GNG5: variants seen among roughly 807,000 people sequenced by gnomAD.
GNG5 encodes the protein guanine nucleotide-binding protein G(I)/G(S)/G(O) subunit gamma-5.
GNG5 carries 2 observed loss-of-function variants against 6.2 expected under a neutral mutation model. The ratio of observed to expected loss-of-function variants is 0.32; its 90% CI spans 0.13 to 1.01. The LOEUF is 1.01. Among genes scored for constraint, GNG5 ranks in the 50% least tolerant of loss-of-function variants. GNG5 has a pLI of 0.48. For synonymous variants in GNG5, 24 were observed against 33.0 expected (o/e 0.73, Z 0.93); for missense variants, 57 against 80.2 (o/e 0.71, Z 1.10).
intron 3 of GNG5, among the ~76,000 whole-genome samples, chr1:84,499,311 C>T (rs1166398852): frequency 6.6e-6 from 1 of 152,114 alleles, no homozygotes; most frequent in Non-Finnish European, 1.5e-5. Flanking sequence ...AATGTTTAAT[C>T]TCACCTAAAA....
chr1:84,503,485 T>C (rs1040453836), intron 2 of GNG5, among the ~76,000 whole-genome samples: 2 of 152,226 alleles, frequency 1.3e-5, no homozygotes, highest in Admixed American at 6.5e-5. Context: ...TTAGCTCCTA[T>C]GTAAAAGAAG....
intron 3 of GNG5, among the ~76,000 whole-genome samples, chr1:84,499,309 A>C (rs1019044761): frequency 2.0e-5 from 3 of 152,224 alleles, no homozygotes; most frequent in Non-Finnish European, 4.4e-5. Flanking sequence ...AAAATGTTTA[A>C]TCTCACCTAA....
At chr1:84,501,682 C>A in intron 3 of GNG5, 144 bp downstream of exon 3, 1 of 589,106 alleles carries the variant, frequency 1.7e-6, no homozygotes, top group Non-Finnish European at 3.1e-6. Context: ...TTCATGAATC[C>A]TCACTTTCCT....
intron 2 of GNG5, among the ~76,000 whole-genome samples, chr1:84,502,816 C>G (rs1043657677): frequency 1.3e-5 from 2 of 152,272 alleles, no homozygotes; most frequent in East Asian, 1.9e-4. Context: ...TTATCAGACC[C>G]TTATACTGTC....
At chr1:84,502,132 CTTTTTTTTTTTT>C (rs140132840) in intron 2 of GNG5, among the ~76,000 whole-genome samples, 162 bp from the exon 3 acceptor site, 5 of 102,078 alleles carry the variant, frequency 4.9e-5, no homozygotes, top group Middle Eastern at 7.0e-3. Context: ...ATAGTGAGCT[CTTTTTTTTTTTT>C]TTTTTTTTTT....
intron 2 of GNG5, 43 bp downstream of exon 2, chr1:84,505,968 C>A: frequency 7.2e-7 from 1 of 1,382,086 alleles, no homozygotes; most frequent in Non-Finnish European, 9.6e-7. Flanking sequence ...TCCCACCCGC[C>A]GCCGCCGCCT....
intron 2 of GNG5, among the ~76,000 whole-genome samples, chr1:84,503,466 A>G (rs1682098620): frequency 6.6e-6 from 1 of 152,214 alleles, no homozygotes; most frequent in Non-Finnish European, 1.5e-5. Flanking sequence ...AATGAGTTCC[A>G]TAGGTTTATT....
intron 2 of GNG5, among the ~76,000 whole-genome samples, chr1:84,504,383 C>G (rs541069635): frequency 1.3e-5 from 2 of 152,128 alleles, no homozygotes; most frequent in Non-Finnish European, 2.9e-5. Flanking sequence ...CCGACCAGAA[C>G]CAGAAGTCTA....
intron 1 of GNG5, 57 bp from the exon 2 acceptor site, chr1:84,506,358 G>C (rs923938626): frequency 2.9e-6 from 1 of 348,488 alleles, no homozygotes; most frequent in Non-Finnish European, 5.3e-6. Context: ...GGCTGCTGGA[G>C]GCTAGCGCGA....
Position 84,506,031 on chromosome 1 carries a change from C to T in GNG5, c.61G>A (p.Ala21Thr). 1 of 1,569,576 alleles carries T rather than the reference C, an allele frequency of 6.4e-7. No individual in the cohort carries two copies. Among genetic ancestry groups the T allele is most frequent in the African/African-American group, 1.4e-5 (1 of 71,106 alleles). ...KKVVQQLRLE[A>T]GLNRVKVSQA... ...CTCACTTTTACGCGGTTGAGTCCGG[C>T]CTCCAGCCGGAGCTGTTGAACCACT... The change falls in exon 2 of 4, where the codon GCC becomes ACC. Residue 21 changes from alanine (A) to threonine (T), a missense_variant. Coordinates refer to ENST00000370645, the MANE Select transcript of GNG5 (RefSeq NM_005274.3).
chr1:84,506,201 C>T lies in GNG5; in HGVS notation c.-110G>A, dbSNP rs1334362457. 1.2e-6 allele frequency: 1 copy of T among 812,954 alleles called. No homozygotes were observed. Among genetic ancestry groups the T allele is most frequent in the Non-Finnish European group, 1.8e-6 (1 of 552,214 alleles). The allele number at this position is 812,954 out of a possible 1,614,324, so 50.4% of individuals were successfully genotyped here. On this transcript the variant is annotated 5_prime_UTR_variant, in exon 2 of 4. Transcript: ENST00000370645. ...GCGGGGGCGGGGCTCCGAACTTTGT[C>T]TCTAAGTTTCCGGTTCTGTGCTCAG...
chr1:84,498,559 G>GAAAAAAAAAA lies in GNG5; in HGVS notation c.*20-21_*20-12dup. The GAAAAAAAAAA allele has an allele frequency of 5.3e-5, 1 of 18,814 alleles. No homozygotes were observed. 1.2% of individuals were successfully genotyped at this position (18,814 alleles called of 1,614,324 possible). A position where few individuals can be genotyped will look rare whatever the true frequency, so the allele number is the denominator to read the frequency against. The stretch of plus-strand genomic sequence containing the variant: ...AGTGGTTTGGGAAACCTAAGATGGG[G>GAAAAAAAAAA]AAAAAAAAAAAAAGGTGAGTTAGGG... On this transcript the variant is annotated splice_polypyrimidine_tract_variant and intron_variant, in intron 3 of 3. Transcript: ENST00000370645.
At chr1:84,499,189 CAT>C (rs1682002685) in intron 3 of GNG5, among the ~76,000 whole-genome samples, 1 of 152,198 alleles carries the variant, frequency 6.6e-6, no homozygotes, top group East Asian at 1.9e-4. Flanking sequence ...AAAATTAAAA[CAT>C]GAGCATACTA....
intron 2 of GNG5, among the ~76,000 whole-genome samples, chr1:84,504,692 G>A: frequency 6.6e-6 from 1 of 152,210 alleles, no homozygotes; most frequent in Non-Finnish European, 1.5e-5. Flanking sequence ...AGAATTGGGA[G>A]AGTAGAGAAA....
At chr1:84,504,029 C>T (rs1214625561) in intron 2 of GNG5, among the ~76,000 whole-genome samples, 1 of 152,196 alleles carries the variant, frequency 6.6e-6, no homozygotes, top group Non-Finnish European at 1.5e-5. Context: ...CAATCACCAT[C>T]CAGGAGGTTG....
intron 2 of GNG5, among the ~76,000 whole-genome samples, chr1:84,504,739 A>G (rs1682130276): frequency 6.8e-6 from 1 of 146,128 alleles, no homozygotes; most frequent in Non-Finnish European, 1.5e-5. Flanking sequence ...CAGCATTTCA[A>G]GGACTGGACG....
At chr1:84,499,854 G>A (rs1372221715) in intron 3 of GNG5, among the ~76,000 whole-genome samples, 2 of 152,086 alleles carry the variant, frequency 1.3e-5, no homozygotes, top group Non-Finnish European at 2.9e-5. Context: ...GGTGGCTCAC[G>A]CCTGTAATCT....
Position 84,506,451 on chromosome 1 carries a change from A to T in GNG5, c.-226T>A, listed in dbSNP as rs2101896243. On this transcript the variant is annotated 5_prime_UTR_variant, in exon 1 of 4. Transcript: ENST00000370645. ...GAGAGCTTACCGTTAGCCGCGAAGA[A>T]CTAAGAGGGGGTCTGAAGAGGACCA... The T allele has an allele frequency of 6.0e-6, 1 of 165,426 alleles. No individual in the cohort carries two copies. The highest frequency in any genetic ancestry group is 2.9e-3 in the Middle Eastern group (1 of 342). 10.2% of individuals were successfully genotyped at this position (165,426 alleles called of 1,614,324 possible).
At chr1:84,499,234 CAA>C (rs1265932177) in intron 3 of GNG5, among the ~76,000 whole-genome samples, 3 of 151,980 alleles carry the variant, frequency 2.0e-5, no homozygotes, top group African/African-American at 7.3e-5. Context: ...TGGAAAGGTA[CAA>C]AAGTGTTAAT....
Sources: allele counts gnomAD v4.1 joint callset (sites outside exome capture counted in the v4.1 genomes callset), GRCh38; gene constraint gnomAD v4.1.1; transcripts MANE v1.5; gene names NCBI Gene and HGNC (gene_info 2026-07-23, HGNC 2026-07-21).